Variants in ARHGAP15 observed in about 807,000 individuals in gnomAD.
ARHGAP15 encodes the protein rho GTPase-activating protein 15.
In ARHGAP15, 51 loss-of-function variants were observed where a neutral mutation model predicts 63.7. That is an observed-to-expected ratio of 0.80 (90% CI 0.64 to 1.01). The LOEUF (loss-of-function observed/expected upper bound fraction) is 1.01. Ranked by LOEUF, ARHGAP15 falls within the 50% of genes least tolerant of loss-of-function variation. The probability of loss-of-function intolerance (pLI) is 0.00; values close to 1 mark genes in which losing one functional copy is unlikely to be tolerated. For missense variants in ARHGAP15, 560 were observed against 564.6 expected (o/e 0.99, Z 0.08); for synonymous variants, 191 against 193.8 (o/e 0.99, Z 0.12).
intron 6 of ARHGAP15, among the ~76,000 whole-genome samples, chr2:143,325,461 ATTGT>A (rs1174290601): frequency 6.6e-6 from 1 of 152,142 alleles, no homozygotes; most frequent in African/African-American, 2.4e-5. Context: ...GATTAAGTAT[ATTGT>A]TTGTCAGATT....
chr2:143,343,783 C>T (rs565228089), intron 6 of ARHGAP15, among the ~76,000 whole-genome samples: 1 of 152,164 alleles, frequency 6.6e-6, no homozygotes, highest in African/African-American at 2.4e-5. Flanking sequence ...TTCTCTAAGC[C>T]TCTTACTATT....
chr2:143,317,114 A>G (rs1683756851), intron 6 of ARHGAP15, among the ~76,000 whole-genome samples: 4 of 152,104 alleles, frequency 2.6e-5, no homozygotes, highest in Admixed American at 2.0e-4. Context: ...CTTTGTAAGC[A>G]ATTGTGTCAT....
At position 143,763,073 on chromosome 2, in the gene ARHGAP15, T is replaced by C. The variant is rs187655608; in HGVS notation, c.1245-4916T>C. ...CAGCAGCCTATATTTCTTTTCTACA[T>C]ATGTTTTACTAGTTGAAACCTTCAG... On this transcript the variant is annotated intron_variant, in intron 13 of 13. Coordinates refer to ENST00000295095, the MANE Select transcript of ARHGAP15 (RefSeq NM_018460.4). Among the ~76,000 whole-genome samples the C allele has an allele frequency of 2.2e-4, 34 of 152,266 alleles. No homozygotes were observed. The East Asian group carries it at 6.2e-3, about 28-fold the overall frequency.
intron 6 of ARHGAP15, among the ~76,000 whole-genome samples, chr2:143,357,949 A>G (rs981070925): frequency 6.6e-6 from 1 of 152,180 alleles, no homozygotes; most frequent in South Asian, 2.1e-4. Context: ...GTAAAACTTG[A>G]TGTATCGAGT....
chr2:143,353,422 A>T (rs898161302), intron 6 of ARHGAP15, among the ~76,000 whole-genome samples: 1 of 152,202 alleles, frequency 6.6e-6, no homozygotes, highest in African/African-American at 2.4e-5. Context: ...ATGCAACTGT[A>T]TACTTATGTC....
At chr2:143,726,553 C>T (rs1167616924) in intron 13 of ARHGAP15, among the ~76,000 whole-genome samples, 1 of 152,220 alleles carries the variant, frequency 6.6e-6, no homozygotes, top group Non-Finnish European at 1.5e-5. Flanking sequence ...TTAGAGGCAC[C>T]TAATTAAGAA....
chr2:143,511,569 T>TTTG, intron 9 of ARHGAP15, among the ~76,000 whole-genome samples: 1 of 43,252 alleles, frequency 2.3e-5, no homozygotes, highest in East Asian at 3.5e-3. Context: ...AGTGTTCTTT[T>TTTG]TTGTTTGTTT....
intron 1 of ARHGAP15, among the ~76,000 whole-genome samples, chr2:143,135,642 A>C (rs528674344): frequency 2.2e-4 from 33 of 152,230 alleles, no homozygotes; most frequent in Non-Finnish European, 4.0e-4. Context: ...TATATTATTC[A>C]CTGTCTGAGC....
intron 6 of ARHGAP15, among the ~76,000 whole-genome samples, chr2:143,346,250 T>TCACACACACACA (rs138964635): frequency 7.2e-6 from 1 of 138,636 alleles, no homozygotes; most frequent in African/African-American, 2.7e-5. Flanking sequence ...ACACACACAC[T>TCACACACACACA]CACACACACA....
Position 143,380,943 on chromosome 2 carries a change from G to A in ARHGAP15, c.475-54658G>A, listed in dbSNP as rs576348799. On this transcript the variant is annotated intron_variant, in intron 6 of 13. Transcript: ENST00000295095. ...AAAGAAACTAGCATCCCCGGGCAATGTGAATGAGAGATGACCCTGGACTGT... is the reference window on the plus strand; with the variant it reads ...AAAGAAACTAGCATCCCCGGGCAATATGAATGAGAGATGACCCTGGACTGT... 1.2e-3 allele frequency among the ~76,000 whole-genome samples: 187 copies of A among 152,258 alleles called. 2 individuals are homozygous for A. The highest frequency in any genetic ancestry group is 4.2e-3 in the African/African-American group (176 of 41,562).
intron 13 of ARHGAP15, among the ~76,000 whole-genome samples, chr2:143,707,091 A>G (rs1278978060): frequency 6.6e-6 from 1 of 152,202 alleles, no homozygotes; most frequent in Non-Finnish European, 1.5e-5. Context: ...TTAACCTTTT[A>G]TGAACCAGAA....
At chr2:143,665,084 T>C (rs917310170) in intron 12 of ARHGAP15, among the ~76,000 whole-genome samples, 58 of 152,110 alleles carry the variant, frequency 3.8e-4, no homozygotes, top group African/African-American at 1.3e-3. Flanking sequence ...AGCATCATTC[T>C]GATACCAAAG....
At chr2:143,656,934 G>GGTGTGGGTGTGTGTGTGTGTGT (rs1681467805) in intron 12 of ARHGAP15, among the ~76,000 whole-genome samples, 1 of 144,936 alleles carries the variant, frequency 6.9e-6, no homozygotes, top group Non-Finnish European at 1.5e-5. Flanking sequence ...CAAAGTTTCT[G>GGTGTGGGTGTGTGTGTGTGTGT]GTGTGTGTGT....
intron 1 of ARHGAP15, among the ~76,000 whole-genome samples, chr2:143,152,200 A>G (rs941630546): frequency 6.6e-6 from 1 of 151,966 alleles, no homozygotes; most frequent in Non-Finnish European, 1.5e-5. Flanking sequence ...AGAGAGGTCA[A>G]ATGCTACCTT....
chr2:143,131,615 C>T (rs1688919586), intron 1 of ARHGAP15, among the ~76,000 whole-genome samples: 1 of 152,170 alleles, frequency 6.6e-6, no homozygotes, highest in African/African-American at 2.4e-5. Context: ...TTCCATTCAA[C>T]TGAACTTTTA....
At chr2:143,539,295 G>A (rs541754080) in intron 10 of ARHGAP15, among the ~76,000 whole-genome samples, 11 of 151,972 alleles carry the variant, frequency 7.2e-5, no homozygotes, top group East Asian at 3.9e-4. Context: ...TCTTGCTAGC[G>A]GTCTATCAGT....
At chr2:143,673,746 GTGTGTGTGTGTGTATATATATA>G (rs1266118904) in intron 12 of ARHGAP15, among the ~76,000 whole-genome samples, 2 of 29,678 alleles carry the variant, frequency 6.7e-5, no homozygotes, top group Admixed American at 5.9e-4. Flanking sequence ...GTGTGTGTGT[GTGTGTGTGTGTGTATATATATA>G]TATATATATA....
chr2:143,205,351 C>G (rs1692291762), intron 3 of ARHGAP15, among the ~76,000 whole-genome samples: 1 of 151,708 alleles, frequency 6.6e-6, no homozygotes, highest in Non-Finnish European at 1.5e-5. Flanking sequence ...TTAATTTACT[C>G]TATAGACCTT....
chr2:143,354,035 T>C (rs1685698573), intron 6 of ARHGAP15, among the ~76,000 whole-genome samples: 1 of 1,056 alleles, frequency 9.5e-4, no homozygotes, highest in Non-Finnish European at 2.1e-3. Flanking sequence ...CTTGCATTGG[T>C]GGCCTCAGTA....
Sources: gnomAD v4.1 joint callset for allele counts (sites outside exome capture counted in the v4.1 genomes callset) on GRCh38, gnomAD v4.1.1 for gene constraint, MANE v1.5 for transcripts, NCBI Gene and HGNC (gene_info 2026-07-23, HGNC 2026-07-21) for gene names.